The following ELMO1 variants were observed in gnomAD, a reference collection of about 807,000 sequenced individuals.
The protein encoded by ELMO1 is engulfment and cell motility protein 1.
Under a neutral mutation model 98.9 loss-of-function variants are expected in ELMO1, and 26 were observed. The ratio of observed to expected loss-of-function variants is 0.26; its 90% CI spans 0.19 to 0.36. The LOEUF (loss-of-function observed/expected upper bound fraction) is 0.36, where lower values mean the gene tolerates loss of function less well. Ranked by LOEUF, ELMO1 falls within the 10% of genes least tolerant of loss-of-function variation. The pLI, the probability that ELMO1 is intolerant of heterozygous loss-of-function variation, is 1.00. For missense variants in ELMO1, 627 were observed against 935.2 expected (o/e 0.67, Z 4.30); for synonymous variants, 346 against 346.0 (o/e 1.00, Z 0.00).
At chr7:37,021,950 G>A (rs1306708658) in intron 15 of ELMO1, among the ~76,000 whole-genome samples, 1 of 152,110 alleles carries the variant, frequency 6.6e-6, no homozygotes, top group African/African-American at 2.4e-5. Context: ...GAACAGAATA[G>A]GGAGTCCAGA....
At chr7:36,948,283 C>T (rs765643132) in intron 16 of ELMO1, among the ~76,000 whole-genome samples, 41 of 152,078 alleles carry the variant, frequency 2.7e-4, no homozygotes, top group African/African-American at 6.8e-4. Context: ...GGGTGAAGGA[C>T]GCTAAGGCAA....
At chr7:37,329,496 G>C (rs1170799704) in intron 2 of ELMO1, among the ~76,000 whole-genome samples, 1 of 152,166 alleles carries the variant, frequency 6.6e-6, no homozygotes, top group African/African-American at 2.4e-5. Context: ...CAGGGGAGCA[G>C]CATAATCAGG....
intron 16 of ELMO1, among the ~76,000 whole-genome samples, chr7:37,008,508 A>G (rs1027178509): frequency 6.6e-6 from 1 of 152,112 alleles, no homozygotes; most frequent in African/African-American, 2.4e-5. Context: ...TAGCCAAAAA[A>G]TGTCTGTTTG....
chr7:36,900,223 T>C (rs2129058412), intron 16 of ELMO1, among the ~76,000 whole-genome samples: 1 of 152,322 alleles, frequency 6.6e-6, no homozygotes, highest in East Asian at 1.9e-4. Context: ...GTCTTCCATA[T>C]GGCATCTACA....
chr7:37,443,718 A>G (rs1805503877), intron 1 of ELMO1, among the ~76,000 whole-genome samples: 1 of 152,200 alleles, frequency 6.6e-6, no homozygotes, highest in South Asian at 2.1e-4. Context: ...AAACAACCCA[A>G]ATTATCCAGG....
At chr7:36,937,133 C>A (rs1360883841) in intron 16 of ELMO1, among the ~76,000 whole-genome samples, 1 of 152,262 alleles carries the variant, frequency 6.6e-6, no homozygotes, top group East Asian at 1.9e-4. Context: ...TTGCTCCCCC[C>A]AAAAGATATG....
intron 20 of ELMO1, chr7:36,861,940 T>A (rs892796349): frequency 1.0e-5 from 6 of 590,434 alleles, no homozygotes; most frequent in Non-Finnish European, 1.8e-5. Context: ...CTGTGAACTA[T>A]CTCATTTAAT....
Position 37,029,408 on chromosome 7 carries a change from TA to T in ELMO1, c.1301-15974del, listed in dbSNP as rs35171050. 4.6e-3 allele frequency among the ~76,000 whole-genome samples: 679 copies of T among 147,550 alleles called. 5 individuals carry two copies. The highest frequency in any genetic ancestry group is 0.016 in the East Asian group (83 of 5,084). On this transcript the variant is annotated intron_variant, in intron 15 of 21. Coordinates refer to ENST00000310758, the MANE Select transcript of ELMO1 (RefSeq NM_014800.11). ...ACAATTCCATGCACACTGATTTCTTTAAAAAAAAAAAATCACGGCGATTATG... is the reference window on the plus strand; with the variant it reads ...ACAATTCCATGCACACTGATTTCTTTAAAAAAAAAAATCACGGCGATTATG...
intron 6 of ELMO1, among the ~76,000 whole-genome samples, chr7:37,257,681 C>A (rs978103688): frequency 2.0e-5 from 3 of 151,146 alleles, no homozygotes; most frequent in Non-Finnish European, 4.4e-5. Flanking sequence ...GCCTGGCCAA[C>A]GTGGTGAAAC....
At chr7:37,142,121 C>T (rs1022261012) in intron 13 of ELMO1, among the ~76,000 whole-genome samples, 4 of 152,182 alleles carry the variant, frequency 2.6e-5, no homozygotes, top group Middle Eastern at 3.4e-3. Context: ...TAAATATGAT[C>T]GTAACAAAAA....
chr7:37,159,275 C>T (rs756885242), intron 13 of ELMO1, among the ~76,000 whole-genome samples: 1 of 152,172 alleles, frequency 6.6e-6, no homozygotes, highest in Admixed American at 6.5e-5. Context: ...ACATTGTGCA[C>T]ATGTACCCTA....
chr7:37,229,538 G>C (rs1308108642), intron 8 of ELMO1, among the ~76,000 whole-genome samples: 1 of 152,066 alleles, frequency 6.6e-6, no homozygotes, highest in Non-Finnish European at 1.5e-5. Context: ...TATGAATTTG[G>C]CATTAATAGG....
rs78027912 is a variant in ELMO1, at chr7:36,951,356, G to A, written c.1438-56339C>T. Among the ~76,000 whole-genome samples the A allele has an allele frequency of 9.6e-3, 1,455 of 152,286 alleles. 29 individuals carry two copies. Among genetic ancestry groups the A allele is most frequent in the African/African-American group, 0.033 (1,370 of 41,558 alleles). On this transcript the variant is annotated intron_variant, in intron 16 of 21. Transcript: ENST00000310758. ...GCCCACATCACCAACACTTGGCTCCGGCCAAAATGGTCTTGGTTTCAGTTC... is the reference window on the plus strand; with the variant it reads ...GCCCACATCACCAACACTTGGCTCCAGCCAAAATGGTCTTGGTTTCAGTTC...
chr7:36,868,750 A>T (rs572651037), intron 20 of ELMO1, among the ~76,000 whole-genome samples: 14 of 152,040 alleles, frequency 9.2e-5, no homozygotes, highest in Admixed American at 8.5e-4. Flanking sequence ...AATTCCCTCT[A>T]TCTTTATTTA....
At chr7:37,189,634 A>G (rs1256452552) in intron 13 of ELMO1, among the ~76,000 whole-genome samples, 1 of 152,170 alleles carries the variant, frequency 6.6e-6, no homozygotes, top group African/African-American at 2.4e-5. Context: ...GTGAAATCAG[A>G]TTGTTACCTA....
At chr7:37,204,110 A>G (rs1420609536) in intron 13 of ELMO1, 1 of 456,292 alleles carries the variant, frequency 2.2e-6, no homozygotes, top group African/African-American at 2.0e-5. Context: ...GGTACTCACC[A>G]TTTGGCAATA....
chr7:37,344,176 C>A (rs183329010), intron 1 of ELMO1, among the ~76,000 whole-genome samples: 9 of 151,676 alleles, frequency 5.9e-5, no homozygotes, highest in Admixed American at 1.3e-4. Context: ...GGATTACAGA[C>A]GCACACCACC....
chr7:37,414,363 C>G (rs1239508388), intron 1 of ELMO1, among the ~76,000 whole-genome samples: 6 of 152,194 alleles, frequency 3.9e-5, no homozygotes, highest in Middle Eastern at 3.4e-3. Context: ...GGGGGAAAAC[C>G]CCTGTACATT....
chr7:37,091,351 C>T (rs1784079827), intron 15 of ELMO1, among the ~76,000 whole-genome samples: 1 of 152,164 alleles, frequency 6.6e-6, no homozygotes, highest in East Asian at 1.9e-4. Context: ...AGGTGATCCA[C>T]CCGCCTCGGC....
Sources: allele counts gnomAD v4.1 joint callset (sites outside exome capture counted in the v4.1 genomes callset), GRCh38; gene constraint gnomAD v4.1.1; transcripts MANE v1.5; gene names NCBI Gene and HGNC (gene_info 2026-07-23, HGNC 2026-07-21).